Variants in FLACC1 observed in about 807,000 individuals in gnomAD.
The protein encoded by FLACC1 is flagellum-associated coiled-coil domain-containing protein 1.
Under a neutral mutation model 62.8 loss-of-function variants are expected in FLACC1, and 66 were observed. The ratio of observed to expected loss-of-function variants is 1.05; its 90% confidence interval spans 0.86 to 1.29. The LOEUF (loss-of-function observed/expected upper bound fraction) is 1.29. FLACC1 is among the 50% of genes most tolerant of loss of function. FLACC1 has a pLI of 0.00. For missense variants in FLACC1, 452 were observed against 489.1 expected (o/e 0.92, Z 0.71); for synonymous variants, 156 against 161.0 (o/e 0.97, Z 0.24).
At chr2:201,345,795 C>T (rs1426337785) in intron 5 of FLACC1, among the ~76,000 whole-genome samples, 1 of 152,112 alleles carries the variant, frequency 6.6e-6, no homozygotes, top group Non-Finnish European at 1.5e-5. Context: ...GACAGCTGTG[C>T]TAATGGGTTA....
At chr2:201,319,364 G>A (rs1950360825) in intron 9 of FLACC1, among the ~76,000 whole-genome samples, 2 of 152,040 alleles carry the variant, frequency 1.3e-5, no homozygotes, top group Admixed American at 1.3e-4. Flanking sequence ...ATCAACCCAA[G>A]ATGCCTTAAA....
In FLACC1 at chr2:201,309,236, A is replaced by G. The variant is rs1178926001; in HGVS notation, c.690T>C (p.Asp230=). 6.2e-7 allele frequency: 1 copy of G among 1,613,270 alleles called. No individual in the cohort carries two copies. The highest frequency in any genetic ancestry group is 1.3e-5 in the African/African-American group (1 of 74,818). ...MFRTYQDSIY[D]EMEEKWSKQK... Reference sequence around the variant, plus strand: ...GTTTTGACCACTTCTCTTCCATTTCATCATAAATACTGTCCTGGGGAGGTA... The same window carrying G: ...GTTTTGACCACTTCTCTTCCATTTCGTCATAAATACTGTCCTGGGGAGGTA... The change falls in exon 10 of 15, where the codon GAT becomes GAC. Residue 230 remains aspartate (D), a synonymous_variant. Coordinates refer to ENST00000392257, the MANE Select transcript of FLACC1 (RefSeq NM_001127391.3).
chr2:201,328,715 A>G (rs1376642474), intron 9 of FLACC1, among the ~76,000 whole-genome samples: 3 of 152,330 alleles, frequency 2.0e-5, no homozygotes, highest in South Asian at 2.1e-4. Context: ...CATCAGCCAC[A>G]GCACCGGCCT....
At chr2:201,289,630 T>G in intron 13 of FLACC1, 64 bp from the exon 14 acceptor site, 1 of 1,611,936 alleles carries the variant, frequency 6.2e-7, no homozygotes, top group Middle Eastern at 1.7e-4. Context: ...CAGAGCTATA[T>G]GGCAGAGCTG....
chr2:201,335,512 G>A (rs1413720728), intron 7 of FLACC1, among the ~76,000 whole-genome samples: 2 of 151,968 alleles, frequency 1.3e-5, no homozygotes, highest in Admixed American at 1.3e-4. Context: ...TTTATTTATA[G>A]GCCTCTATTC....
At position 201,326,244 on chromosome 2, in the gene FLACC1, AGAACCG is replaced by A. The variant is rs1288114133; in HGVS notation, c.675+4220_675+4225del. Among the ~76,000 whole-genome samples the A allele has an allele frequency of 2.0e-5, 3 of 152,220 alleles. No homozygotes were observed. Among genetic ancestry groups the A allele is most frequent in the African/African-American group, 7.2e-5 (3 of 41,462 alleles). ...AAAAAAGTTGAAAGCATTCCCCTTG[AGAACCG>A]GAACAAGACAAGATGGCCACCTTCA... On this transcript the variant is annotated intron_variant, in intron 9 of 14. Coordinates refer to ENST00000392257, the MANE Select transcript of FLACC1 (RefSeq NM_001127391.3). This position sits in a 1 kb window ranked among gnomAD's most constrained non-coding sequence, Gnocchi z 4.1.
chr2:201,354,502 A>C (rs954007258), intron 1 of FLACC1, among the ~76,000 whole-genome samples: 1 of 152,130 alleles, frequency 6.6e-6, no homozygotes, highest in Non-Finnish European at 1.5e-5. Flanking sequence ...AGGCCTGAAG[A>C]GCAGGTGACA....
chr2:201,308,261 C>T (rs532436761), intron 10 of FLACC1, among the ~76,000 whole-genome samples: 1 of 152,246 alleles, frequency 6.6e-6, no homozygotes, highest in East Asian at 1.9e-4. Context: ...GGATGAGAGT[C>T]GTATGAGTAG....
At chr2:201,314,418 A>C (rs191183782) in intron 9 of FLACC1, among the ~76,000 whole-genome samples, 15 of 152,330 alleles carry the variant, frequency 9.8e-5, no homozygotes, top group African/African-American at 3.6e-4. Flanking sequence ...CAGCAATAGA[A>C]TTGAGCAAGC....
intron 12 of FLACC1, among the ~76,000 whole-genome samples, chr2:201,298,635 G>A (rs1329099607): frequency 1.3e-5 from 2 of 152,192 alleles, no homozygotes; most frequent in African/African-American, 4.8e-5. Context: ...CCCTGCCTGG[G>A]CTCTAAGATA....
chr2:201,316,682 G>T (rs1950313517), intron 9 of FLACC1, among the ~76,000 whole-genome samples: 1 of 152,034 alleles, frequency 6.6e-6, no homozygotes, highest in African/African-American at 2.4e-5. Context: ...GATAAAGAGG[G>T]AATCCTCCCT....
At chr2:201,304,013 C>T (rs1314334728) in intron 11 of FLACC1, among the ~76,000 whole-genome samples, 3 of 152,180 alleles carry the variant, frequency 2.0e-5, no homozygotes, top group Non-Finnish European at 4.4e-5. Flanking sequence ...CCTTTGAAAA[C>T]TGGCAAAAGA....
intron 9 of FLACC1, 77 bp downstream of exon 9, chr2:201,330,393 G>T: frequency 7.2e-7 from 1 of 1,383,428 alleles, no homozygotes; most frequent in Non-Finnish European, 1.0e-6. Flanking sequence ...CTGGACAAAA[G>T]CTCTAGATTT....
Position 201,288,607 on chromosome 2 carries a change from C to T in FLACC1, c.*48G>A, listed in dbSNP as rs879530719. 4 of 1,595,636 alleles carry T rather than the reference C, an allele frequency of 2.5e-6. No individual in the cohort carries two copies. Among genetic ancestry groups the T allele is most frequent in the African/African-American group, 1.3e-5 (1 of 74,216 alleles). ...CCCTCCCAGGAGTTTCCTGGGCCTACAGAAATGGTGTGCCAACCATCTTCA... is the reference window on the plus strand; with the variant it reads ...CCCTCCCAGGAGTTTCCTGGGCCTATAGAAATGGTGTGCCAACCATCTTCA... On this transcript the variant is annotated 3_prime_UTR_variant, in exon 15 of 15. Transcript: ENST00000392257.
At chr2:201,328,345 G>T (rs1950533640) in intron 9 of FLACC1, among the ~76,000 whole-genome samples, 1 of 152,088 alleles carries the variant, frequency 6.6e-6, no homozygotes, top group Non-Finnish European at 1.5e-5. Flanking sequence ...AAGTAAAAAA[G>T]TTGGAACAAT....
Position 201,315,231 on chromosome 2 carries a change from C to T in FLACC1, c.676-5981G>A, listed in dbSNP as rs185049975. Among the ~76,000 whole-genome samples the T allele has an allele frequency of 1.3e-4, 20 of 152,136 alleles. No individual in the cohort carries two copies. The East Asian group carries it at 3.3e-3, about 25-fold the overall frequency. On this transcript the variant is annotated intron_variant, in intron 9 of 14. Coordinates refer to ENST00000392257, the MANE Select transcript of FLACC1 (RefSeq NM_001127391.3). ...CAATACTAACATTGAATATAAATGG[C>T]CTAAATGCTCTACTTAAAAGATACA...
In FLACC1 at chr2:201,317,673, G is replaced by T. The variant is rs979472000; in HGVS notation, c.676-8423C>A. Among the ~76,000 whole-genome samples the T allele has an allele frequency of 2.6e-5, 4 of 151,914 alleles. No individual in the cohort carries two copies. The East Asian group carries it at 7.7e-4, about 29-fold the overall frequency. ...CAATTCCCATCAAAATACCACCATCGTTTTTCACAGAACTAGAAAAAAAAC... is the reference window on the plus strand; with the variant it reads ...CAATTCCCATCAAAATACCACCATCTTTTTTCACAGAACTAGAAAAAAAAC... On this transcript the variant is annotated intron_variant, in intron 9 of 14. Transcript: ENST00000392257.
At chr2:201,296,579 G>A (rs1400797894) in intron 12 of FLACC1, among the ~76,000 whole-genome samples, 1 of 151,856 alleles carries the variant, frequency 6.6e-6, no homozygotes, top group African/African-American at 2.4e-5. Flanking sequence ...GAGTTACTGG[G>A]TGCAGCACAC....
intron 3 of FLACC1, among the ~76,000 whole-genome samples, chr2:201,349,112 T>C (rs9679621): frequency 0.028 from 4,297 of 152,298 alleles, 204 homozygotes; most frequent in African/African-American, 0.097. Context: ...TATTAGGGTG[T>C]AGACGTCCTT....
Sources: allele counts gnomAD v4.1 joint callset (sites outside exome capture counted in the v4.1 genomes callset), GRCh38; gene constraint gnomAD v4.1.1; non-coding constraint Gnocchi (gnomAD v3.1); transcripts MANE v1.5; gene names NCBI Gene and HGNC (gene_info 2026-07-23, HGNC 2026-07-21).